Variants in RAB11FIP5 observed in about 807,000 individuals in gnomAD.
The protein encoded by RAB11FIP5 is RAB11 family interacting protein 5, also known as rab11 family-interacting protein 5.
In RAB11FIP5, 48 loss-of-function variants were observed where a neutral mutation model predicts 85.1. The ratio of observed to expected loss-of-function variants is 0.56; its 90% CI spans 0.45 to 0.72. RAB11FIP5 has a LOEUF of 0.72. RAB11FIP5 is among the 30% of genes least tolerant of loss of function. The pLI, the probability that RAB11FIP5 is intolerant of heterozygous loss-of-function variation, is 0.00. For synonymous variants in RAB11FIP5, 729 were observed against 727.3 expected, an observed-to-expected ratio of 1.00 and a Z score of -0.04; for missense variants, 1,491 against 1,687.0, an observed-to-expected ratio of 0.88 and a Z score of 2.04.
chr2:73,094,504 C>T lies in RAB11FIP5; in HGVS notation c.432-5189G>A, dbSNP rs578105466. 3.3e-4 allele frequency among the ~76,000 whole-genome samples: 50 copies of T among 152,326 alleles called. No homozygotes were observed. In the South Asian group the frequency reaches 4.6e-3, roughly 14 times the overall value. On this transcript the variant is annotated intron_variant, in intron 1 of 5. Transcript: ENST00000486777. ...CAGGATTTATATACAGATATAAATC[C>T]ACCCAAGACGCCACCCAGACTTACT...
At position 73,086,913 on chromosome 2, in the gene RAB11FIP5, C is replaced by G. The variant is rs1162443953; in HGVS notation, c.1568+1137G>C. Among the ~76,000 whole-genome samples, 1 of 152,156 alleles carries G rather than the reference C, an allele frequency of 6.6e-6. No homozygotes were observed. Among genetic ancestry groups the G allele is most frequent in the Non-Finnish European group, 1.5e-5 (1 of 68,028 alleles). On this transcript the variant is annotated intron_variant, in intron 3 of 5. Coordinates refer to ENST00000486777, the MANE Select transcript of RAB11FIP5 (RefSeq NM_001371272.1). The surrounding 1 kb of genome is among the most constrained non-coding windows in gnomAD (Gnocchi z 4.4). ...GGTCTAACAGGGATTGTCAGCTGAC[C>G]ATGGCCCAAACCTAGAAAGGCCTGC...
intron 4 of RAB11FIP5, 137 bp from the exon 5 acceptor site, chr2:73,076,319 C>T (rs115901802): frequency 0.021 from 18,423 of 871,622 alleles, 274 homozygotes; most frequent in Non-Finnish European, 0.028. Context: ...CCTACAGAGT[C>T]AAGGTTTCAG....
intron 3 of RAB11FIP5, among the ~76,000 whole-genome samples, chr2:73,082,372 G>A (rs970737667): frequency 4.6e-5 from 7 of 152,146 alleles, no homozygotes; most frequent in African/African-American, 9.7e-5. Context: ...CCAGAGAAAG[G>A]CCAGGCCTAG....
At chr2:73,100,274 G>A (rs866999869) in intron 1 of RAB11FIP5, among the ~76,000 whole-genome samples, 15 of 152,250 alleles carry the variant, frequency 9.9e-5, no homozygotes, top group Middle Eastern at 3.4e-3. Context: ...GTGATATGCC[G>A]TTTCAAGTGA....
rs770067469 is a variant in RAB11FIP5 at position 73,112,695 on chromosome 2, G to A, written c.83C>T (p.Ala28Val). The A allele has an allele frequency of 2.5e-6, 4 of 1,578,384 alleles. No individual in the cohort carries two copies. The highest frequency in any genetic ancestry group is 3.4e-6 in the Non-Finnish European group (4 of 1,164,506). ...PTHVQVTVLR[A>V]RGLRGKSSGA... ...CGAGCTCTTGCCCCGCAGCCCGCGGGCCCGCAGCACCGTCACCTGGACGTG... is the reference window on the plus strand; with the variant it reads ...CGAGCTCTTGCCCCGCAGCCCGCGGACCCGCAGCACCGTCACCTGGACGTG... The change falls in exon 1 of 6, where the codon GCC becomes GTC. Residue 28 changes from alanine (A) to valine (V), a missense_variant. Physicochemically the swap from Ala to Val is moderately conservative, Grantham distance 64 (BLOSUM62 0). Around this residue, in one of 3 missense-constraint regions of RAB11FIP5, gnomAD observed 1,211 missense variants for 1,338.0 expected, o/e 0.91. Coordinates refer to ENST00000486777, the MANE Select transcript of RAB11FIP5 (RefSeq NM_001371272.1).
At chr2:73,092,341 C>T (rs903296022) in intron 1 of RAB11FIP5, among the ~76,000 whole-genome samples, 2 of 152,228 alleles carry the variant, frequency 1.3e-5, no homozygotes, top group African/African-American at 2.4e-5. Context: ...ACTGCACACA[C>T]CACAGCGGTA....
At chr2:73,106,398 G>A (rs569437276) in intron 1 of RAB11FIP5, among the ~76,000 whole-genome samples, 1 of 152,298 alleles carries the variant, frequency 6.6e-6, no homozygotes, top group Non-Finnish European at 1.5e-5. Context: ...TGTCTGCTCC[G>A]AACATCTCCA....
At position 73,073,721 on chromosome 2, in the gene RAB11FIP5, C is replaced by T. The variant is rs1173310393; in HGVS notation, c.*1800G>A. The T allele has an allele frequency of 2.6e-5, 4 of 152,234 alleles. No homozygotes were observed. The highest frequency in any genetic ancestry group is 9.6e-5 in the African/African-American group (4 of 41,452). The allele number at this position is 152,234 out of a possible 1,614,324, so 9.4% of individuals were successfully genotyped here. On this transcript the variant is annotated 3_prime_UTR_variant, in exon 6 of 6. Coordinates refer to ENST00000486777, the MANE Select transcript of RAB11FIP5 (RefSeq NM_001371272.1). Reference sequence around the variant, plus strand: ...GAAAAGATACTTACTTCTCTAATACCCAATGACCCCCAAAAGCATGACTGA... The same window carrying T: ...GAAAAGATACTTACTTCTCTAATACTCAATGACCCCCAAAAGCATGACTGA...
Position 73,086,577 on chromosome 2 carries a change from C to T in RAB11FIP5, c.1568+1473G>A, listed in dbSNP as rs1198205179. On this transcript the variant is annotated intron_variant, in intron 3 of 5. Coordinates refer to ENST00000486777, the MANE Select transcript of RAB11FIP5 (RefSeq NM_001371272.1). The surrounding 1 kb of genome is among the most constrained non-coding windows in gnomAD (Gnocchi z 4.4). ...ACCACACTGAGCCTGTGCTCTGTGCCCCTTTCAATCCAGGCCCTCAGCTCC... is the reference window on the plus strand; with the variant it reads ...ACCACACTGAGCCTGTGCTCTGTGCTCCTTTCAATCCAGGCCCTCAGCTCC... Among the ~76,000 whole-genome samples the T allele has an allele frequency of 6.6e-6, 1 of 152,174 alleles. No individual in the cohort carries two copies. Among genetic ancestry groups the T allele is most frequent in the Non-Finnish European group, 1.5e-5 (1 of 68,036 alleles).
intron 1 of RAB11FIP5, among the ~76,000 whole-genome samples, chr2:73,111,467 A>G (rs1684653502): frequency 6.6e-6 from 1 of 152,178 alleles, no homozygotes; most frequent in South Asian, 2.1e-4. Flanking sequence ...AGCCCCGGGG[A>G]CTGGCTTCCA....
Position 73,075,319 on chromosome 2 carries a change from C to T in RAB11FIP5, c.*202G>A, listed in dbSNP as rs903833769. 22 of 711,060 alleles carry T rather than the reference C, an allele frequency of 3.1e-5. No individual in the cohort carries two copies. Among genetic ancestry groups the T allele is most frequent in the African/African-American group, 1.4e-4 (8 of 57,354 alleles). The allele number at this position is 711,060 out of a possible 1,614,324, so 44.0% of individuals were successfully genotyped here. ...AAGACCCAGGGCTCCCAAAGACACA[C>T]AAGTTGTGCACAGAACCTGATGCCT... On this transcript the variant is annotated 3_prime_UTR_variant, in exon 6 of 6. Transcript: ENST00000486777. The surrounding 1 kb of genome is among the most constrained non-coding windows in gnomAD (Gnocchi z 4.6).
chr2:73,080,604 C>T lies in RAB11FIP5; in HGVS notation c.2628G>A (p.Glu876=). The T allele has an allele frequency of 8.1e-7, 1 of 1,232,384 alleles. No individual in the cohort carries two copies. The highest frequency in any genetic ancestry group is 4.2e-5 in the Admixed American group (1 of 23,726). 76.3% of individuals were successfully genotyped at this position (1,232,384 alleles called of 1,614,324 possible). The stretch of plus-strand genomic sequence containing the variant: ...GCTCGGGCTCCGGTGGGGGAAGCCC[C>T]TCGCTCCCCTTGGGGCTCACAGTTT... ...SPETVSPKGS[E]GLPPPEPEPK... Residue 876 remains glutamate, a synonymous_variant, in exon 4 of 6, where the codon GAG becomes GAA. Transcript: ENST00000486777.
At chr2:73,077,265 C>T (rs1277250133) in intron 4 of RAB11FIP5, among the ~76,000 whole-genome samples, 3 of 152,230 alleles carry the variant, frequency 2.0e-5, no homozygotes, top group Non-Finnish European at 1.5e-5. Context: ...ACCTCTGGCC[C>T]CCACTGGCTC....
intron 3 of RAB11FIP5, chr2:73,084,426 TG>T (rs1456313021): frequency 6.6e-6 from 1 of 152,120 alleles, no homozygotes; most frequent in East Asian, 1.9e-4. Context: ...GAACCTACTG[TG>T]CCGGCCTGGC....
chr2:73,089,753 ACAT>A lies in RAB11FIP5; in HGVS notation c.432-441_432-439del, dbSNP rs1434929351. On this transcript the variant is annotated intron_variant, in intron 1 of 5. Transcript: ENST00000486777. This position sits in a 1 kb window ranked among gnomAD's most constrained non-coding sequence, Gnocchi z 4.6. ...GACCTACCCACATTTCTCCCTGTTGACATCATCTCCTCTGGCCAGTCCCAGCCA... is the reference window on the plus strand; with the variant it reads ...GACCTACCCACATTTCTCCCTGTTGACATCTCCTCTGGCCAGTCCCAGCCA... 3.3e-6 allele frequency: 1 copy of A among 300,812 alleles called. No homozygotes were observed. Among genetic ancestry groups the A allele is most frequent in the Non-Finnish European group, 6.5e-6 (1 of 153,860 alleles). The allele number at this position is 300,812 out of a possible 1,614,324, so 18.6% of individuals were successfully genotyped here. A position where few individuals can be genotyped will look rare whatever the true frequency, so the allele number is the denominator to read the frequency against.
chr2:73,075,417 A>T lies in RAB11FIP5; in HGVS notation c.*104T>A. 1 of 1,192,174 alleles carries T rather than the reference A, an allele frequency of 8.4e-7. No individual in the cohort carries two copies. Among genetic ancestry groups the T allele is most frequent in the Non-Finnish European group, 1.3e-6 (1 of 797,620 alleles). 73.8% of individuals were successfully genotyped at this position (1,192,174 alleles called of 1,614,324 possible). A position where few individuals can be genotyped will look rare whatever the true frequency, so the allele number is the denominator to read the frequency against. ...GGAGGGAGAGGAGCAAGGAGTGACAAGGCAAGACAGACGATGCCCCACTGC... is the reference window on the plus strand; with the variant it reads ...GGAGGGAGAGGAGCAAGGAGTGACATGGCAAGACAGACGATGCCCCACTGC... On this transcript the variant is annotated 3_prime_UTR_variant, in exon 6 of 6. Transcript: ENST00000486777. The surrounding 1 kb of genome is among the most constrained non-coding windows in gnomAD (Gnocchi z 4.6).
intron 1 of RAB11FIP5, among the ~76,000 whole-genome samples, chr2:73,100,243 C>G (rs1030479993): frequency 6.6e-6 from 1 of 152,086 alleles, no homozygotes; most frequent in Non-Finnish European, 1.5e-5. Flanking sequence ...ACTCCCTGCC[C>G]CGGATTTCTA....
At position 73,080,465 on chromosome 2, in the gene RAB11FIP5, C is replaced by A; in HGVS notation, c.2767G>T (p.Val923Leu). Reference protein sequence around the residue: ...SQEEEEEKAAVGLSNRGPETE... With the variant: ...SQEEEEEKAALGLSNRGPETE... ...TCCGGCCCCCTGTTACTCAGCCCCA[C>A]TGCGGCCTTCTCCTCCTCCTCCTCC... Residue 923 changes from valine to leucine, a missense_variant, in exon 4 of 6, where the codon GTG becomes TTG. Coordinates refer to ENST00000486777, the MANE Select transcript of RAB11FIP5 (RefSeq NM_001371272.1). 8.1e-7 allele frequency: 1 copy of A among 1,233,818 alleles called. No homozygotes were observed. The highest frequency in any genetic ancestry group is 1.0e-6 in the Non-Finnish European group (1 of 988,894). 76.4% of individuals were successfully genotyped at this position (1,233,818 alleles called of 1,614,324 possible). A position where few individuals can be genotyped will look rare whatever the true frequency, so the allele number is the denominator to read the frequency against.
chr2:73,075,529 G>T lies in RAB11FIP5; in HGVS notation c.3967C>A (p.Pro1323Thr), dbSNP rs1166989469. 1.2e-6 allele frequency: 2 copies of T among 1,614,054 alleles called. No homozygotes were observed. The highest frequency in any genetic ancestry group is 2.2e-5 in the East Asian group (1 of 44,856). Residue 1323 changes from proline (P) to threonine (T), a missense_variant, in exon 6 of 6, where the codon CCC becomes ACC. Pro to Thr is a conservative substitution (Grantham distance 38). This residue lies in a region of RAB11FIP5 where 232 missense variants were observed against 259.1 expected (regional missense o/e 0.90). Coordinates refer to ENST00000486777, the MANE Select transcript of RAB11FIP5 (RefSeq NM_001371272.1). The surrounding 1 kb of genome is among the most constrained non-coding windows in gnomAD (Gnocchi z 4.6). ...PTLLQIPPGP[P>T]K Reference sequence around the variant, plus strand: ...GGGTAGGGTGAGGAAGGCTATTTGGGGGGGCCCGGGGGGATCTGCAGCAGC... The same window carrying T: ...GGGTAGGGTGAGGAAGGCTATTTGGTGGGGCCCGGGGGGATCTGCAGCAGC...
Sources: allele counts gnomAD v4.1 joint callset (sites outside exome capture counted in the v4.1 genomes callset), GRCh38; gene constraint gnomAD v4.1.1; regional missense constraint gnomAD v4.1.1; non-coding constraint Gnocchi (gnomAD v3.1); transcripts MANE v1.5; gene names NCBI Gene and HGNC (gene_info 2026-07-23, HGNC 2026-07-21).